Variants in BIRC5 observed in about 807,000 individuals in gnomAD.
BIRC5 encodes the protein baculoviral IAP repeat-containing protein 5.
In BIRC5, 8 loss-of-function variants were observed where a neutral mutation model predicts 15.8. That is an observed-to-expected ratio of 0.51 (90% CI 0.30 to 0.91). BIRC5 has a LOEUF of 0.91. Ranked by LOEUF, BIRC5 falls within the 40% of genes least tolerant of loss-of-function variation. BIRC5 has a pLI of 0.07. For missense variants in BIRC5, 163 were observed against 178.6 expected (o/e 0.91, Z 0.50); for synonymous variants, 56 against 64.5 (o/e 0.87, Z 0.63).
intron 2 of BIRC5, chr17:78,215,198 C>G (rs2076468986): frequency 6.0e-6 from 1 of 166,986 alleles, no homozygotes. Context: ...GGGCGGATCA[C>G]CTGAGGTCAG....
chr17:78,217,937 G>A (rs1448537408), intron 3 of BIRC5, among the ~76,000 whole-genome samples: 2 of 150,506 alleles, frequency 1.3e-5, no homozygotes, highest in East Asian at 2.0e-4. Context: ...GACTACAGGC[G>A]CACCCCACCA....
intron 3 of BIRC5, among the ~76,000 whole-genome samples, chr17:78,218,295 T>C (rs1478218930): frequency 1.3e-5 from 2 of 151,308 alleles, no homozygotes; most frequent in East Asian, 3.9e-4. Context: ...TATTTATTTA[T>C]TTTTAATTTT....
intron 2 of BIRC5, chr17:78,215,143 A>G (rs1010396348): frequency 5.1e-6 from 1 of 194,990 alleles, no homozygotes; most frequent in Non-Finnish European, 1.1e-5. Context: ...CAGCACAAAA[A>G]TTACCCTTTG....
At chr17:78,220,076 T>G (rs1390741553) in intron 3 of BIRC5, among the ~76,000 whole-genome samples, 1 of 152,174 alleles carries the variant, frequency 6.6e-6, no homozygotes, top group Non-Finnish European at 1.5e-5. Context: ...GTTACAGGGA[T>G]GAAGATGCAG....
chr17:78,222,528 G>A (rs1462002023), intron 3 of BIRC5, among the ~76,000 whole-genome samples: 3 of 152,068 alleles, frequency 2.0e-5, no homozygotes, highest in Non-Finnish European at 4.4e-5. Context: ...TAGCCGGGGT[G>A]GTGGCGCATG....
At chr17:78,215,068 C>A in intron 2 of BIRC5, 1 of 352,578 alleles carries the variant, frequency 2.8e-6, no homozygotes. Flanking sequence ...TGTGAACTCC[C>A]AGGAACGTCC....
intron 2 of BIRC5, 182 bp from the exon 3 acceptor site, chr17:78,216,482 G>C: frequency 3.4e-6 from 2 of 589,114 alleles, no homozygotes; most frequent in Non-Finnish European, 6.2e-6. Flanking sequence ...AAGGTGCTAA[G>C]AGGTGCCATA....
chr17:78,214,371 A>T lies in BIRC5; in HGVS notation c.55A>T (p.Ile19Phe). Residue 19 changes from isoleucine to phenylalanine, a missense_variant, in exon 1 of 4, where the codon ATC (isoleucine) becomes TTC (phenylalanine). Coordinates refer to ENST00000350051, the MANE Select transcript of BIRC5 (RefSeq NM_001168.3). ...GCAGCCCTTTCTCAAGGACCACCGC[A>T]TCTCTACATTCAAGAACTGGCCCTT... is the stretch of plus-strand genomic sequence containing the variant. ...AWQPFLKDHR[I>F]STFKNWPFLE... is the part of the protein sequence containing the mutation. 1 of 1,607,206 alleles carries T rather than the reference A, an allele frequency of 6.2e-7. No homozygotes were observed. Among genetic ancestry groups the T allele is most frequent in the Non-Finnish European group, 8.5e-7 (1 of 1,177,238 alleles).
chr17:78,214,709 C>A lies in BIRC5; in HGVS notation c.141C>A (p.Pro47=). 1 of 1,610,434 alleles carries A rather than the reference C, an allele frequency of 6.2e-7. No individual in the cohort carries two copies. The highest frequency in any genetic ancestry group is 1.1e-5 in the South Asian group (1 of 90,290). ...RMAEAGFIHC[P]TENEPDLAQC... ...CCGAGGCTGGCTTCATCCACTGCCC[C>A]ACTGAGAACGAGCCAGACTTGGCCC... The change falls in exon 2 of 4, where the codon CCC becomes CCA. Residue 47 remains proline (P), a synonymous_variant. Transcript: ENST00000350051.
chr17:78,224,461 G>T lies in BIRC5; in HGVS notation c.*907G>T, dbSNP rs1431123922. 6.6e-6 allele frequency: 1 copy of T among 152,252 alleles called. No homozygotes were observed. The highest frequency in any genetic ancestry group is 2.4e-5 in the African/African-American group (1 of 41,458). 9.4% of individuals were successfully genotyped at this position (152,252 alleles called of 1,614,324 possible). ...CTGGGCTGCTGCAGGCCGTGTGTCT[G>T]TCAGCCCAACCTTCACATCTGTCAC... On this transcript the variant is annotated 3_prime_UTR_variant, in exon 4 of 4. Coordinates refer to ENST00000350051, the MANE Select transcript of BIRC5 (RefSeq NM_001168.3).
intron 2 of BIRC5, 23 bp downstream of exon 2, chr17:78,214,812 C>T (rs767266231): frequency 1.9e-6 from 3 of 1,588,628 alleles, no homozygotes; most frequent in Non-Finnish European, 2.6e-6. Flanking sequence ...TGGCCAGCCT[C>T]GATGGGCTTT....
At position 78,224,051 on chromosome 17, in the gene BIRC5, G is replaced by GTGTTTTTTTTTTT. The variant is rs1567867388; in HGVS notation, c.*498_*499insGTTTTTTTTTTTT. Reference sequence around the variant, plus strand: ...CTCCTCAGAGGACAGTTTTTTTGTTGTTGTGTTTTTTTGTTTTTTTTTTTT... The same window carrying GTGTTTTTTTTTTT: ...CTCCTCAGAGGACAGTTTTTTTGTTGTGTTTTTTTTTTTTTGTGTTTTTTTGTTTTTTTTTTTT... On this transcript the variant is annotated 3_prime_UTR_variant, in exon 4 of 4. Transcript: ENST00000350051. The GTGTTTTTTTTTTT allele has an allele frequency of 1.7e-5, 2 of 114,834 alleles. No individual in the cohort carries two copies. The highest frequency in any genetic ancestry group is 3.6e-5 in the African/African-American group (1 of 28,138). The allele number at this position is 114,834 out of a possible 1,614,324, so 7.1% of individuals were successfully genotyped here.
In BIRC5 at chr17:78,221,596, A is replaced by G. The variant is rs1284359472; in HGVS notation, c.340-1869A>G. ...CGCTGGGATTACAAACCCAAACCCA[A>G]AGTGCTGGGATTACAGGCGTGAGCC... On this transcript the variant is annotated intron_variant, in intron 3 of 3. Coordinates refer to ENST00000350051, the MANE Select transcript of BIRC5 (RefSeq NM_001168.3). Among the ~76,000 whole-genome samples, 3 of 151,994 alleles carry G rather than the reference A, an allele frequency of 2.0e-5. No homozygotes were observed. In the East Asian group the frequency reaches 5.8e-4, roughly 29 times the overall value.
chr17:78,216,371 A>G (rs1256830828), intron 2 of BIRC5: 2 of 313,884 alleles, frequency 6.4e-6, no homozygotes, highest in East Asian at 1.2e-4. Flanking sequence ...TCCTTTGGAC[A>G]TATACCATGT....
intron 3 of BIRC5, among the ~76,000 whole-genome samples, chr17:78,218,492 A>G (rs919326396): frequency 1.5e-4 from 22 of 149,026 alleles, no homozygotes; most frequent in African/African-American, 5.5e-4. Context: ...GGGTTTCACC[A>G]TGCTGGCCAA....
rs9904341 is a variant in BIRC5 at position 78,214,286 on chromosome 17, G to A, written c.-31G>A. 2 of 1,576,662 alleles carry A rather than the reference G, an allele frequency of 1.3e-6. No individual in the cohort carries two copies. Among genetic ancestry groups the A allele is most frequent in the South Asian group, 1.1e-5 (1 of 88,054 alleles). ...CCATTAACCGCCAGATTTGAATCGC[G>A]GGACCCGTTGGCAGAGGTGGCGGCG... On this transcript the variant is annotated 5_prime_UTR_variant, in exon 1 of 4. Coordinates refer to ENST00000350051, the MANE Select transcript of BIRC5 (RefSeq NM_001168.3).
intron 2 of BIRC5, chr17:78,215,982 G>T (rs777906759): frequency 1.9e-6 from 2 of 1,064,010 alleles, no homozygotes; most frequent in Admixed American, 7.9e-5. Flanking sequence ...GGGCACGGTG[G>T]CTTACGCCTG....
chr17:78,215,998 C>T, intron 2 of BIRC5: 2 of 1,060,346 alleles, frequency 1.9e-6, no homozygotes, highest in Non-Finnish European at 2.3e-6. Flanking sequence ...GCCTGTAATA[C>T]CAGCACTTTG....
intron 3 of BIRC5, 69 bp from the exon 4 acceptor site, chr17:78,223,396 T>C (rs557536118): frequency 1.4e-6 from 2 of 1,416,238 alleles, no homozygotes; most frequent in African/African-American, 2.9e-5. Context: ...TTTTCCTTTG[T>C]CATCTTATCT....
Sources: gnomAD v4.1 joint callset for allele counts (sites outside exome capture counted in the v4.1 genomes callset) on GRCh38, gnomAD v4.1.1 for gene constraint, MANE v1.5 for transcripts, NCBI Gene and HGNC (gene_info 2026-07-23, HGNC 2026-07-21) for gene names.